ZFC3H1: variants seen among roughly 807,000 people sequenced by gnomAD.
ZFC3H1 encodes the protein zinc finger C3H1-type containing.
A neutral mutation model predicts 243.7 loss-of-function variants in ZFC3H1; 71 were observed. The ratio of observed to expected loss-of-function variants is 0.29; its 90% CI spans 0.24 to 0.36. The LOEUF (loss-of-function observed/expected upper bound fraction) is 0.36, where lower values mean the gene tolerates loss of function less well. Ranked by LOEUF, ZFC3H1 falls within the 10% of genes least tolerant of loss-of-function variation. ZFC3H1 has a pLI of 1.00. For synonymous variants in ZFC3H1, 838 were observed against 813.0 expected, an observed-to-expected ratio of 1.03 and a Z score of -0.52; for missense variants, 1,966 against 2,317.1, an observed-to-expected ratio of 0.85 and a Z score of 3.11.
intron 1 of ZFC3H1, among the ~76,000 whole-genome samples, chr12:71,662,065 A>G (rs1033729488): frequency 6.6e-6 from 1 of 152,258 alleles, no homozygotes; most frequent in Non-Finnish European, 1.5e-5. Flanking sequence ...ACCAGTAATG[A>G]AAGTCTTTAA....
chr12:71,648,176 T>C (rs1880774786), intron 2 of ZFC3H1, among the ~76,000 whole-genome samples: 1 of 152,214 alleles, frequency 6.6e-6, no homozygotes, highest in Non-Finnish European at 1.5e-5. Context: ...TAGAATATAA[T>C]GATGACTAAA....
At chr12:71,644,840 C>G (rs773961917) in intron 4 of ZFC3H1, 37 bp downstream of exon 4, 15 of 1,588,408 alleles carry the variant, frequency 9.4e-6, no homozygotes, top group African/African-American at 2.7e-5. Flanking sequence ...GAAAAGAAAA[C>G]AAAACAAAAA....
At chr12:71,636,735 G>C in intron 8 of ZFC3H1, 81 bp from the exon 9 acceptor site, 1 of 1,557,278 alleles carries the variant, frequency 6.4e-7, no homozygotes, top group Non-Finnish European at 8.7e-7. Flanking sequence ...GAGCATGTTA[G>C]AATTATCCCC....
chr12:71,661,635 C>T (rs1881180225), intron 1 of ZFC3H1, among the ~76,000 whole-genome samples: 1 of 152,120 alleles, frequency 6.6e-6, no homozygotes, highest in East Asian at 1.9e-4. Flanking sequence ...GCACCCAACA[C>T]CACGCCTGGC....
At position 71,632,458 on chromosome 12, in the gene ZFC3H1, T is replaced by C; in HGVS notation, c.2874A>G (p.Ser958=). 1 of 1,601,608 alleles carries C rather than the reference T, an allele frequency of 6.2e-7. No homozygotes were observed. Among genetic ancestry groups the C allele is most frequent in the South Asian group, 1.1e-5 (1 of 90,316 alleles). ...TTTTCTCCATAGCAATTAGTTCTGC[T>C]GAATGCTTTCTTGGACTTGATACTG... is the stretch of plus-strand genomic sequence containing the variant. ...SSPVSSPRKH[S]AELIAMEKRR... is the part of the protein sequence containing the mutation. The change falls in exon 15 of 35, where the codon TCA becomes TCG. Residue 958 remains serine, a synonymous_variant. Transcript: ENST00000378743.
chr12:71,649,468 T>C (rs1880824581), intron 2 of ZFC3H1, among the ~76,000 whole-genome samples: 1 of 152,248 alleles, frequency 6.6e-6, no homozygotes, highest in Non-Finnish European at 1.5e-5. Flanking sequence ...TTTTTCTCCA[T>C]TTCACATGCA....
At chr12:71,652,025 A>C (rs759684585) in intron 2 of ZFC3H1, among the ~76,000 whole-genome samples, 3 of 152,214 alleles carry the variant, frequency 2.0e-5, no homozygotes, top group Non-Finnish European at 4.4e-5. Context: ...CTCCAATAAG[A>C]AGCAAGCTTG....
chr12:71,611,359 AAC>A lies in ZFC3H1; in HGVS notation c.5730-264_5730-263del, dbSNP rs1228137420. On this transcript the variant is annotated intron_variant, in intron 32 of 34. Coordinates refer to ENST00000378743, the MANE Select transcript of ZFC3H1 (RefSeq NM_144982.5). Reference sequence around the variant, plus strand: ...AACGTTCACAGGAGAAAAAAAAAACAACAACAACAACAAAAAAAAAACACCTC... The same window carrying A: ...AACGTTCACAGGAGAAAAAAAAAACAAACAACAACAAAAAAAAAACACCTC... 1.4e-3 allele frequency: 378 copies of A among 266,498 alleles called. 1 individual carries two copies. The highest frequency in any genetic ancestry group is 7.9e-3 in the African/African-American group (350 of 44,474). The allele number at this position is 266,498 out of a possible 1,614,324, so 16.5% of individuals were successfully genotyped here.
intron 2 of ZFC3H1, among the ~76,000 whole-genome samples, chr12:71,648,731 T>A (rs1208739646): frequency 2.0e-5 from 3 of 152,104 alleles, no homozygotes; most frequent in Non-Finnish European, 2.9e-5. Context: ...TCAAGACAAA[T>A]GAGTTCTGTT....
At chr12:71,629,259 G>A (rs1044571403) in intron 19 of ZFC3H1, among the ~76,000 whole-genome samples, 5 of 150,926 alleles carry the variant, frequency 3.3e-5, no homozygotes, top group South Asian at 4.2e-4. Flanking sequence ...TCCGCCTCTC[G>A]GGTTCAAGTG....
intron 18 of ZFC3H1, 72 bp from the exon 19 acceptor site, chr12:71,629,782 G>A (rs542681713): frequency 1.6e-4 from 157 of 979,886 alleles, no homozygotes; most frequent in South Asian, 6.8e-4. Flanking sequence ...AATGTATGAC[G>A]TGAACTAGTT....
In ZFC3H1 at chr12:71,644,869, A is replaced by AT. The variant is rs2137548775; in HGVS notation, c.1279+7dup. 2 of 1,588,042 alleles carry AT rather than the reference A, an allele frequency of 1.3e-6. No individual in the cohort carries two copies. The highest frequency in any genetic ancestry group is 2.2e-5 in the East Asian group (1 of 44,764). ...ACAAAAACACAAGAATTTAATAAAA[A>AT]TGATCACCTGTAGTGCTAACTTTTT... On this transcript the variant is annotated splice_region_variant and intron_variant, in intron 4 of 34. Coordinates refer to ENST00000378743, the MANE Select transcript of ZFC3H1 (RefSeq NM_144982.5).
intron 2 of ZFC3H1, among the ~76,000 whole-genome samples, chr12:71,651,111 C>G (rs1368578259): frequency 1.3e-5 from 2 of 152,148 alleles, no homozygotes; most frequent in Non-Finnish European, 2.9e-5. Context: ...TTGCAGAGCT[C>G]CCAGTTCAAT....
chr12:71,634,963 T>A, intron 10 of ZFC3H1, 138 bp from the exon 11 acceptor site: 2 of 1,084,388 alleles, frequency 1.8e-6, no homozygotes, highest in Admixed American at 3.5e-5. Context: ...TTTCTATTCT[T>A]TTTTCTAAAA....
rs778455827 is a variant in ZFC3H1, at chr12:71,624,205, T to G, written c.4405A>C (p.Thr1469Pro). The change falls in exon 23 of 35, where the codon ACA becomes CCA. Residue 1469 changes from threonine to proline, a missense_variant. Transcript: ENST00000378743. Reference sequence around the variant, plus strand: ...AGCTGAAAGGACAAAATATTGGATGTTTCCTGCTTGGCTGCTCCCATCAGA... The same window carrying G: ...AGCTGAAAGGACAAAATATTGGATGGTTCCTGCTTGGCTGCTCCCATCAGA... ...EFLMGAAKQETSNILSFQLLE... is the reference protein window; with the variant it reads ...EFLMGAAKQEPSNILSFQLLE... 25 of 1,613,964 alleles carry G rather than the reference T, an allele frequency of 1.5e-5. 1 individual carries two copies. The South Asian group carries it at 2.6e-4, about 17-fold the overall frequency.
rs530417347 is a variant in ZFC3H1, at chr12:71,657,084, A to G, written c.816T>C (p.Thr272=). 24 of 1,613,852 alleles carry G rather than the reference A, an allele frequency of 1.5e-5. No individual in the cohort carries two copies. The highest frequency in any genetic ancestry group is 1.9e-5 in the Non-Finnish European group (22 of 1,179,952). Residue 272 remains threonine (T), a synonymous_variant, in exon 2 of 35, where the codon ACT becomes ACC. Coordinates refer to ENST00000378743, the MANE Select transcript of ZFC3H1 (RefSeq NM_144982.5). ...KTLNFEDQTS[T]DNVSITKDSS... ...AATCCTTTGTAATACTGACATTATC[A>G]GTGCTAGTTTGGTCCTCGAAGTTCA...
chr12:71,627,978 C>T, intron 20 of ZFC3H1, 44 bp from the exon 21 acceptor site: 1 of 1,556,042 alleles, frequency 6.4e-7, no homozygotes, highest in Non-Finnish European at 8.7e-7. Flanking sequence ...TTTCTTTAGT[C>T]CACAGATGCA....
intron 7 of ZFC3H1, among the ~76,000 whole-genome samples, chr12:71,638,052 A>C (rs1176463833): frequency 3.3e-5 from 5 of 152,162 alleles, no homozygotes; most frequent in African/African-American, 7.2e-5. Context: ...GGAGAGTATT[A>C]ATTTTTAGAA....
At position 71,614,586 on chromosome 12, in the gene ZFC3H1, G is replaced by A; in HGVS notation, c.5475C>T (p.Pro1825=). The part of the protein sequence containing the change: ...RCLVTVPARY[P]IPFSSADYWS... Reference sequence around the variant, plus strand: ...AGTAATCAGCACTGCTAAAAGGAATGGGGTATCGGGCAGGGACTGTAACCA... The same window carrying A: ...AGTAATCAGCACTGCTAAAAGGAATAGGGTATCGGGCAGGGACTGTAACCA... The change falls in exon 30 of 35, where the codon CCC becomes CCT. Residue 1825 remains proline (P), a synonymous_variant. Coordinates refer to ENST00000378743, the MANE Select transcript of ZFC3H1 (RefSeq NM_144982.5). 3 of 1,612,794 alleles carry A rather than the reference G, an allele frequency of 1.9e-6. No homozygotes were observed. The highest frequency in any genetic ancestry group is 1.7e-6 in the Non-Finnish European group (2 of 1,179,320).
Sources: gnomAD v4.1 joint callset for allele counts (sites outside exome capture counted in the v4.1 genomes callset) on GRCh38, gnomAD v4.1.1 for gene constraint, MANE v1.5 for transcripts, NCBI Gene and HGNC (gene_info 2026-07-23, HGNC 2026-07-21) for gene names.